MCMBP: variants seen among roughly 807,000 people sequenced by gnomAD.
The protein encoded by MCMBP is mini-chromosome maintenance complex-binding protein.
Under a neutral mutation model 81.3 loss-of-function variants are expected in MCMBP, and 31 were observed. That is an observed-to-expected ratio of 0.38 (90% CI 0.29 to 0.51). The LOEUF is 0.51. MCMBP is among the 20% of genes least tolerant of loss of function. The pLI is 0.87. For synonymous variants in MCMBP, 267 were observed against 275.9 expected (o/e 0.97, Z 0.32); for missense variants, 645 against 772.1 (o/e 0.84, Z 1.95).
chr10:119,834,171 A>G (rs1852152693), intron 14 of MCMBP, among the ~76,000 whole-genome samples: 1 of 152,200 alleles, frequency 6.6e-6, no homozygotes, highest in Non-Finnish European at 1.5e-5. Context: ...GCAGAAAGAA[A>G]CATGGCCAAA....
rs1852031019 is a variant in MCMBP, at chr10:119,831,442, T to G, written c.*32A>C. ...GAATTTTACAATTATGTGGCTACAGTTTGCCCATTACTCTTCATAGGTATT... is the reference window on the plus strand; with the variant it reads ...GAATTTTACAATTATGTGGCTACAGGTTGCCCATTACTCTTCATAGGTATT... On this transcript the variant is annotated 3_prime_UTR_variant, in exon 16 of 16. Coordinates refer to ENST00000369077, the MANE Select transcript of MCMBP (RefSeq NM_001256378.2). The G allele has an allele frequency of 6.2e-7, 1 of 1,611,104 alleles. No homozygotes were observed. Among genetic ancestry groups the G allele is most frequent in the Non-Finnish European group, 8.5e-7 (1 of 1,178,578 alleles).
chr10:119,842,544 C>T lies in MCMBP; in HGVS notation c.1052G>A (p.Gly351Glu). ...CCCCAGAAGGGCATGAGTAAGGAAC[C>T]CAAGAAGTTCTGCTCTGACTGGAGA... is the stretch of plus-strand genomic sequence containing the variant. Reference protein sequence around the residue: ...ELSPVRAELLGFLTHALLGDS... With the variant: ...ELSPVRAELLEFLTHALLGDS... The change falls in exon 10 of 16, where the codon GGG becomes GAG. Residue 351 changes from glycine to glutamate, a missense_variant. By Grantham distance (98) the Gly-to-Glu change is moderately conservative. Coordinates refer to ENST00000369077, the MANE Select transcript of MCMBP (RefSeq NM_001256378.2). 10 of 1,613,800 alleles carry T rather than the reference C, an allele frequency of 6.2e-6. No homozygotes were observed. The highest frequency in any genetic ancestry group is 8.5e-6 in the Non-Finnish European group (10 of 1,179,840).
At chr10:119,832,661 G>C (rs1357605590) in intron 14 of MCMBP, among the ~76,000 whole-genome samples, 1 of 152,028 alleles carries the variant, frequency 6.6e-6, no homozygotes, top group African/African-American at 2.4e-5. Context: ...CATTCCCGGA[G>C]AACTGTCATC....
chr10:119,849,873 A>G (rs1350546617), intron 6 of MCMBP, among the ~76,000 whole-genome samples: 2 of 152,236 alleles, frequency 1.3e-5, no homozygotes, highest in African/African-American at 4.8e-5. Context: ...TTGATTTGCA[A>G]TATGGTTACT....
intron 8 of MCMBP, among the ~76,000 whole-genome samples, chr10:119,843,808 C>T (rs1262949501): frequency 6.6e-6 from 1 of 152,056 alleles, no homozygotes; most frequent in African/African-American, 2.4e-5. Flanking sequence ...ATTACAGGTG[C>T]ACACCACCAT....
At chr10:119,863,621 C>T (rs564328135) in intron 1 of MCMBP, among the ~76,000 whole-genome samples, 122 of 149,430 alleles carry the variant, frequency 8.2e-4, no homozygotes, top group African/African-American at 2.9e-3. Flanking sequence ...CCCAGCTACT[C>T]GGGAGGGTGA....
In MCMBP at chr10:119,829,467, C is replaced by CATT. The variant is rs1472870849; in HGVS notation, c.*2004_*2006dup. On this transcript the variant is annotated 3_prime_UTR_variant, in exon 16 of 16. Transcript: ENST00000369077. ...AGTTCGAAAGAGATCTTTGAAAAAT[C>CATT]ATTTTAAGAAGGCAAAGTTCCAAAC... 2.6e-5 allele frequency: 4 copies of CATT among 152,196 alleles called. No homozygotes were observed. The highest frequency in any genetic ancestry group is 5.9e-5 in the Non-Finnish European group (4 of 68,038). 9.4% of individuals were successfully genotyped at this position (152,196 alleles called of 1,614,324 possible).
chr10:119,838,532 T>G lies in MCMBP; in HGVS notation c.1408+3A>C. 6.2e-7 allele frequency: 1 copy of G among 1,613,640 alleles called. No individual in the cohort carries two copies. Among genetic ancestry groups the G allele is most frequent in the South Asian group, 1.1e-5 (1 of 91,046 alleles). ...AATGGAAGAGAAACATCTATGTACG[T>G]ACCTGGGGTATCCAGCTGCCCCTGT... On this transcript the variant is annotated splice_donor_region_variant and intron_variant, in intron 12 of 15. Transcript: ENST00000369077.
chr10:119,854,903 G>T (rs1663544756), intron 5 of MCMBP, among the ~76,000 whole-genome samples: 1 of 147,682 alleles, frequency 6.8e-6, no homozygotes. Flanking sequence ...GCAGTGAGCC[G>T]AAATTGCACC....
At position 119,830,912 on chromosome 10, in the gene MCMBP, T is replaced by C. The variant is rs990905418; in HGVS notation, c.*562A>G. 7 of 152,504 alleles carry C rather than the reference T, an allele frequency of 4.6e-5. No homozygotes were observed. The highest frequency in any genetic ancestry group is 1.0e-4 in the Non-Finnish European group (7 of 68,048). The allele number at this position is 152,504 out of a possible 1,614,324, so 9.4% of individuals were successfully genotyped here. A position where few individuals can be genotyped will look rare whatever the true frequency, so the allele number is the denominator to read the frequency against. The stretch of plus-strand genomic sequence containing the variant: ...TTTAGTTTTGCAGGCTGTTAACAAA[T>C]GTTAAGTGGGAAAAAGTTTCTGTGG... On this transcript the variant is annotated 3_prime_UTR_variant, in exon 16 of 16. Transcript: ENST00000369077.
At position 119,872,539 on chromosome 10, in the gene MCMBP, G is replaced by C. The variant is rs1262734131; in HGVS notation, c.46C>G (p.Gln16Glu). The C allele has an allele frequency of 3.4e-6, 4 of 1,193,096 alleles. No homozygotes were observed. Among genetic ancestry groups the C allele is most frequent in the Non-Finnish European group, 4.2e-6 (4 of 956,002 alleles). 73.9% of individuals were successfully genotyped at this position (1,193,096 alleles called of 1,614,324 possible). A position where few individuals can be genotyped will look rare whatever the true frequency, so the allele number is the denominator to read the frequency against. Reference protein sequence around the residue: ...DWLSHPLGIVQGFFAQNGVNP... With the variant: ...DWLSHPLGIVEGFFAQNGVNP... The stretch of plus-strand genomic sequence containing the variant: ...CGCCGCCACTCACCGAAGAATCCCT[G>C]CACGATTCCCAGCGGGTGGCTGAGC... Residue 16 changes from glutamine (Q) to glutamate (E), a missense_variant, in exon 1 of 16, where the codon CAG (glutamine) becomes GAG (glutamate). Transcript: ENST00000369077.
At chr10:119,862,726 C>T (rs142687426) in intron 1 of MCMBP, among the ~76,000 whole-genome samples, 58 of 152,270 alleles carry the variant, frequency 3.8e-4, no homozygotes, top group Middle Eastern at 3.4e-3. Flanking sequence ...CAGTTGAGTA[C>T]ATGGTAAATG....
chr10:119,851,437 C>G (rs1007460189), intron 6 of MCMBP, among the ~76,000 whole-genome samples: 1 of 152,052 alleles, frequency 6.6e-6, no homozygotes, highest in Non-Finnish European at 1.5e-5. Context: ...ATATAAGTTA[C>G]TATGATATTT....
intron 6 of MCMBP, among the ~76,000 whole-genome samples, 173 bp from the exon 7 acceptor site, chr10:119,849,749 C>G (rs564393310): frequency 2.0e-5 from 3 of 152,210 alleles, no homozygotes; most frequent in Non-Finnish European, 4.4e-5. Flanking sequence ...TTTGTTTGAT[C>G]TGTAAGAGGA....
At position 119,830,898 on chromosome 10, in the gene MCMBP, A is replaced by G. The variant is rs553585175; in HGVS notation, c.*576T>C. 18 of 152,482 alleles carry G rather than the reference A, an allele frequency of 1.2e-4. 1 individual carries two copies. In the South Asian group the frequency reaches 3.7e-3, roughly 32 times the overall value. 9.4% of individuals were successfully genotyped at this position (152,482 alleles called of 1,614,324 possible). On this transcript the variant is annotated 3_prime_UTR_variant, in exon 16 of 16. Transcript: ENST00000369077. ...CTGCCATGTACAAGTTTAGTTTTGC[A>G]GGCTGTTAACAAATGTTAAGTGGGA...
intron 6 of MCMBP, among the ~76,000 whole-genome samples, chr10:119,852,508 C>G (rs1852870041): frequency 6.6e-6 from 1 of 152,162 alleles, no homozygotes; most frequent in Non-Finnish European, 1.5e-5. Context: ...GATCCCATCT[C>G]TACACAAAAT....
intron 8 of MCMBP, among the ~76,000 whole-genome samples, chr10:119,845,442 A>C (rs1852584555): frequency 6.6e-6 from 1 of 152,206 alleles, no homozygotes; most frequent in African/African-American, 2.4e-5. Flanking sequence ...GTAAGAGTAT[A>C]TATACCATGT....
chr10:119,849,390 C>T (rs1244102447), intron 7 of MCMBP, 35 bp downstream of exon 7: 2 of 1,587,096 alleles, frequency 1.3e-6, no homozygotes, highest in East Asian at 2.3e-5. Context: ...AGACACATAA[C>T]ATTTCAGTGT....
In MCMBP at chr10:119,831,981, G is replaced by A. The variant is rs201280828; in HGVS notation, c.1796+31C>T. The stretch of plus-strand genomic sequence containing the variant: ...CAGAAGACATATACACAAGCTTACC[G>A]AAACAGCAATAATGGACGTGCGCCA... On this transcript the variant is annotated intron_variant, in intron 15 of 15. Transcript: ENST00000369077. 5.4e-4 allele frequency: 852 copies of A among 1,580,696 alleles called. 4 individuals carry two copies. Among genetic ancestry groups the A allele is most frequent in the Middle Eastern group, 1.9e-3 (11 of 5,922 alleles).
Sources: gnomAD v4.1 joint callset for allele counts (sites outside exome capture counted in the v4.1 genomes callset) on GRCh38, gnomAD v4.1.1 for gene constraint, MANE v1.5 for transcripts, NCBI Gene and HGNC (gene_info 2026-07-23, HGNC 2026-07-21) for gene names.